The following ACOT12 variants were observed in gnomAD, a reference collection of about 807,000 sequenced individuals.
The protein encoded by ACOT12 is acyl-CoA thioesterase 12, also known as acetyl-coenzyme A thioesterase.
Under a neutral mutation model 67.7 loss-of-function variants are expected in ACOT12, and 51 were observed. The observed-to-expected ratio is 0.75, with a 90% confidence interval of 0.60 to 0.95. The LOEUF is 0.95. Ranked by LOEUF, ACOT12 falls within the 40% of genes least tolerant of loss-of-function variation. The probability of loss-of-function intolerance (pLI) is 0.00; values close to 1 mark genes in which losing one functional copy is unlikely to be tolerated. For synonymous variants in ACOT12, 251 were observed against 244.6 expected (o/e 1.03, Z -0.24); for missense variants, 734 against 708.1 (o/e 1.04, Z -0.41).
intron 4 of ACOT12, among the ~76,000 whole-genome samples, chr5:81,363,540 G>A (rs1347894219): frequency 6.6e-6 from 1 of 151,946 alleles, no homozygotes; most frequent in Non-Finnish European, 1.5e-5. Flanking sequence ...AAAACAATGT[G>A]GATTTTTTTT....
rs1169172189 is a variant in ACOT12 at position 81,346,009 on chromosome 5, G to A, written c.654-5C>T. 6.2e-7 allele frequency: 1 copy of A among 1,613,044 alleles called. No homozygotes were observed. The highest frequency in any genetic ancestry group is 2.2e-5 in the East Asian group (1 of 44,850). On this transcript the variant is annotated splice_polypyrimidine_tract_variant and splice_region_variant and intron_variant, in intron 6 of 14. Transcript: ENST00000307624. ...GGATGAGCCCAACACAGGCGGCTGG[G>A]GAGACAAAGGGAGGGAGAGAGAAGA...
At chr5:81,364,197 T>G (rs866491236) in intron 3 of ACOT12, among the ~76,000 whole-genome samples, 61 of 151,256 alleles carry the variant, frequency 4.0e-4, no homozygotes, top group Non-Finnish European at 2.9e-5. Flanking sequence ...AATTTTCTTC[T>G]AGCTTTTTCT....
downstream of ACOT12, among the ~76,000 whole-genome samples, chr5:81,329,082 T>C (rs962050765): frequency 7.2e-5 from 11 of 152,206 alleles, no homozygotes; most frequent in African/African-American, 2.2e-4. Flanking sequence ...AACATCTTTA[T>C]GTCTCAGAGT....
chr5:81,311,098 A>G, the ACOT12 span: 22 of 1,035,998 alleles, frequency 2.1e-5, no homozygotes, highest in Non-Finnish European at 3.2e-5. Flanking sequence ...TGGTCTAGCT[A>G]CCTTTACAAC....
At chr5:81,342,569 T>A (rs1050909809) in intron 11 of ACOT12, 103 bp downstream of exon 11, 45 of 1,152,908 alleles carry the variant, frequency 3.9e-5, no homozygotes, top group Non-Finnish European at 5.4e-5. Flanking sequence ...CAAAAGATTT[T>A]GTTACCTTCT....
At chr5:81,322,468 C>A in the ACOT12 span, among the ~76,000 whole-genome samples, 41 of 146,568 alleles carry the variant, frequency 2.8e-4, no homozygotes, top group South Asian at 6.4e-4. Context: ...AAAAAATAAA[C>A]AAAAAAAAAA....
intron 2 of ACOT12, among the ~76,000 whole-genome samples, chr5:81,381,068 C>T (rs866286578): frequency 0.011 from 1,567 of 142,250 alleles, 29 homozygotes; most frequent in African/African-American, 0.036. Context: ...GTATTAAAAC[C>T]TTTTTTTTTT....
At chr5:81,330,694 G>T (rs989536908) in intron 14 of ACOT12, 120 bp downstream of exon 14, 30 of 1,512,210 alleles carry the variant, frequency 2.0e-5, no homozygotes, top group Non-Finnish European at 2.5e-5. Flanking sequence ...ATGACCTTAG[G>T]ATTCCCATAG....
the ACOT12 span, among the ~76,000 whole-genome samples, chr5:81,310,378 G>A: frequency 3.9e-5 from 6 of 151,930 alleles, no homozygotes; most frequent in East Asian, 1.2e-3. Context: ...TATAGAATTA[G>A]TACTTTATTT....
chr5:81,311,391 T>G, the ACOT12 span: 1 of 1,100,194 alleles, frequency 9.1e-7, no homozygotes, highest in Non-Finnish European at 1.4e-6. Context: ...TAAGACAACC[T>G]GTTTTCCTAC....
intron 13 of ACOT12, 134 bp downstream of exon 13, chr5:81,332,343 A>T: frequency 9.9e-7 from 1 of 1,007,942 alleles, no homozygotes; most frequent in African/African-American, 1.6e-5. Context: ...CTAAAGATTC[A>T]TCTAGGTATA....
At chr5:81,312,825 A>C in the ACOT12 span, 1 of 521,550 alleles carries the variant, frequency 1.9e-6, no homozygotes, top group Non-Finnish European at 3.5e-6. Flanking sequence ...TCTATCAAAT[A>C]GTACTTCTAC....
chr5:81,378,841 T>G (rs895333758), intron 2 of ACOT12, among the ~76,000 whole-genome samples: 7 of 152,226 alleles, frequency 4.6e-5, no homozygotes, highest in African/African-American at 7.2e-5. Context: ...CAACAGATGC[T>G]GGACAGTACA....
At chr5:81,323,657 C>A in the ACOT12 span, among the ~76,000 whole-genome samples, 25 of 151,932 alleles carry the variant, frequency 1.6e-4, no homozygotes, top group Non-Finnish European at 2.8e-4. Context: ...CCACGCAGAC[C>A]CTTATAGACC....
chr5:81,361,880 G>A (rs1284210793), intron 4 of ACOT12, among the ~76,000 whole-genome samples: 1 of 152,152 alleles, frequency 6.6e-6, no homozygotes, highest in African/African-American at 2.4e-5. Context: ...GGTACATTAT[G>A]CTTTGAACCA....
downstream of ACOT12, among the ~76,000 whole-genome samples, chr5:81,328,807 A>T (rs980890392): frequency 6.6e-6 from 1 of 152,316 alleles, no homozygotes; most frequent in East Asian, 1.9e-4. Flanking sequence ...CTGCATTATT[A>T]TAAGACTGGG....
At chr5:81,352,902 G>A (rs1356805908) in intron 5 of ACOT12, among the ~76,000 whole-genome samples, 6 of 152,008 alleles carry the variant, frequency 3.9e-5, no homozygotes, top group Non-Finnish European at 7.4e-5. Context: ...TGATAGTGAC[G>A]GTCTCTGAAG....
chr5:81,378,830 A>G (rs560359549), intron 2 of ACOT12, among the ~76,000 whole-genome samples: 2 of 152,290 alleles, frequency 1.3e-5, no homozygotes, highest in East Asian at 3.9e-4. Context: ...AAGTCAGGAA[A>G]CAACAGATGC....
intron 1 of ACOT12, among the ~76,000 whole-genome samples, chr5:81,393,238 T>C (rs1039111061): frequency 1.3e-5 from 2 of 152,248 alleles, no homozygotes; most frequent in Non-Finnish European, 2.9e-5. Flanking sequence ...CGCCAGGATG[T>C]AACCTTTATC....
Sources: gnomAD v4.1 joint callset for allele counts (sites outside exome capture counted in the v4.1 genomes callset) on GRCh38, gnomAD v4.1.1 for gene constraint, MANE v1.5 for transcripts, NCBI Gene and HGNC (gene_info 2026-07-23, HGNC 2026-07-21) for gene names.